The following VAPB variants were observed in gnomAD, a reference collection of about 807,000 sequenced individuals.
VAPB encodes vesicle-associated membrane protein-associated protein B/C.
Under a neutral mutation model 25.6 loss-of-function variants are expected in VAPB, and 7 were observed. That is an observed-to-expected ratio of 0.27 (90% CI 0.16 to 0.51). The LOEUF (loss-of-function observed/expected upper bound fraction) is 0.51. Ranked by LOEUF, VAPB falls within the 20% of genes least tolerant of loss-of-function variation. The pLI is 0.97. For missense variants in VAPB, 266 were observed against 301.3 expected (o/e 0.88, Z 0.87); for synonymous variants, 112 against 109.2 (o/e 1.03, Z -0.16).
chr20:58,444,625 G>A lies in VAPB; in HGVS notation c.*390G>A, dbSNP rs1290749364. The A allele has an allele frequency of 2.2e-6, 1 of 455,444 alleles. No homozygotes were observed. Among genetic ancestry groups the A allele is most frequent in the Admixed American group, 2.3e-5 (1 of 42,604 alleles). 28.2% of individuals were successfully genotyped at this position (455,444 alleles called of 1,614,324 possible). A position where few individuals can be genotyped will look rare whatever the true frequency, so the allele number is the denominator to read the frequency against. On this transcript the variant is annotated 3_prime_UTR_variant, in exon 6 of 6. Coordinates refer to ENST00000475243, the MANE Select transcript of VAPB (RefSeq NM_004738.5). ...TGGTGCTGGCCCTTGGGGAGCTGGAGCCCAGCATGCTGGGGAGTGCGGTCA... is the reference window on the plus strand; with the variant it reads ...TGGTGCTGGCCCTTGGGGAGCTGGAACCCAGCATGCTGGGGAGTGCGGTCA...
chr20:58,407,678 C>A (rs1988266422), intron 1 of VAPB, among the ~76,000 whole-genome samples: 1 of 149,182 alleles, frequency 6.7e-6, no homozygotes, highest in Non-Finnish European at 1.5e-5. Context: ...TTTTTTAACT[C>A]CCCGGAGGAA....
At chr20:58,441,117 C>A in intron 5 of VAPB, 34 bp downstream of exon 5, 1 of 1,609,586 alleles carries the variant, frequency 6.2e-7, no homozygotes, top group African/African-American at 1.3e-5. Flanking sequence ...CTACAGAAAA[C>A]AAGGGCGTTT....
Position 58,411,308 on chromosome 20 carries a change from G to A in VAPB, c.59-6903G>A, listed in dbSNP as rs2123044766. On this transcript the variant is annotated intron_variant, in intron 1 of 5. Coordinates refer to ENST00000475243, the MANE Select transcript of VAPB (RefSeq NM_004738.5). ...TCTATTTTTGTTTTTCTGAGATGGA[G>A]TCTTACTCTGTCGCCCAGGCTGAAG... Among the ~76,000 whole-genome samples, 3 of 152,336 alleles carry A rather than the reference G, an allele frequency of 2.0e-5. No homozygotes were observed. In the Middle Eastern group the frequency reaches 0.01, roughly 518 times the overall value.
intron 1 of VAPB, among the ~76,000 whole-genome samples, chr20:58,397,886 G>A (rs1341021034): frequency 1.3e-5 from 2 of 152,154 alleles, no homozygotes; most frequent in Non-Finnish European, 2.9e-5. Context: ...TATTCTGTAT[G>A]AGATACACTT....
At position 58,447,347 on chromosome 20, in the gene VAPB, T is replaced by A. The variant is rs1004338023; in HGVS notation, c.*3112T>A. ...TCTCCTCCTAGTTTGCATGTTTTCC[T>A]TCTCTCGTCTTCTGAACTGCTGGCA... On this transcript the variant is annotated 3_prime_UTR_variant, in exon 6 of 6. Transcript: ENST00000475243. 4 of 454,154 alleles carry A rather than the reference T, an allele frequency of 8.8e-6. No individual in the cohort carries two copies. The highest frequency in any genetic ancestry group is 1.3e-5 in the Non-Finnish European group (3 of 226,796). The allele number at this position is 454,154 out of a possible 1,614,324, so 28.1% of individuals were successfully genotyped here.
At chr20:58,411,622 G>A (rs761469920) in intron 1 of VAPB, among the ~76,000 whole-genome samples, 1 of 152,136 alleles carries the variant, frequency 6.6e-6, no homozygotes, top group Non-Finnish European at 1.5e-5. Context: ...TGGTGAGGTG[G>A]CTGTTCAGAT....
intron 1 of VAPB, among the ~76,000 whole-genome samples, chr20:58,390,706 T>TATGA (rs886825900): frequency 6.6e-6 from 1 of 152,200 alleles, no homozygotes; most frequent in Non-Finnish European, 1.5e-5. Context: ...AGTTGGTATT[T>TATGA]ATGAATGAAT....
chr20:58,414,207 G>T (rs1415307962), intron 1 of VAPB, among the ~76,000 whole-genome samples: 2 of 109,872 alleles, frequency 1.8e-5, no homozygotes, highest in African/African-American at 6.8e-5. Flanking sequence ...TGACGGGGCG[G>T]CTGGCCGGGC....
chr20:58,437,792 C>T (rs889592107), intron 3 of VAPB, among the ~76,000 whole-genome samples: 4 of 152,138 alleles, frequency 2.6e-5, no homozygotes, highest in African/African-American at 4.8e-5. Flanking sequence ...CATGCTGTTC[C>T]GTTTAGTGGA....
chr20:58,446,186 A>G lies in VAPB; in HGVS notation c.*1951A>G, dbSNP rs1233509892. On this transcript the variant is annotated 3_prime_UTR_variant, in exon 6 of 6. Transcript: ENST00000475243. The stretch of plus-strand genomic sequence containing the variant: ...AGACAGGGAGGCCACCCCAATAGGA[A>G]TTCGTCTCCAGGATTTTTCCCATGT... 2 of 453,990 alleles carry G rather than the reference A, an allele frequency of 4.4e-6. No homozygotes were observed. Among genetic ancestry groups the G allele is most frequent in the Non-Finnish European group, 8.8e-6 (2 of 226,780 alleles). The allele number at this position is 453,990 out of a possible 1,614,324, so 28.1% of individuals were successfully genotyped here.
chr20:58,389,611 C>A (rs1285222595), intron 1 of VAPB, 94 bp downstream of exon 1: 14 of 1,358,062 alleles, frequency 1.0e-5, no homozygotes, highest in Non-Finnish European at 1.4e-5. Context: ...CGGCCCTCGT[C>A]CCCACCCCGA....
At chr20:58,414,936 C>T (rs1212595062) in intron 1 of VAPB, among the ~76,000 whole-genome samples, 1 of 152,270 alleles carries the variant, frequency 6.6e-6, no homozygotes, top group Non-Finnish European at 1.5e-5. Flanking sequence ...CTGGGCACCA[C>T]CGAGCACTGA....
intron 3 of VAPB, among the ~76,000 whole-genome samples, chr20:58,437,275 A>T (rs1175589940): frequency 6.6e-6 from 1 of 151,318 alleles, no homozygotes; most frequent in Admixed American, 6.6e-5. Flanking sequence ...CCAAACTTTG[A>T]ACTTCTTTTT....
intron 2 of VAPB, among the ~76,000 whole-genome samples, chr20:58,419,964 G>T (rs1400849736): frequency 6.6e-6 from 1 of 152,028 alleles, no homozygotes; most frequent in Non-Finnish European, 1.5e-5. Flanking sequence ...AATATGTATG[G>T]GTGGGTGTAT....
At chr20:58,436,424 C>A (rs6128342) in intron 3 of VAPB, among the ~76,000 whole-genome samples, 11 of 149,680 alleles carry the variant, frequency 7.3e-5, no homozygotes, top group Non-Finnish European at 4.4e-5. Flanking sequence ...GCCTCCACCT[C>A]CTGGGCTCAA....
chr20:58,436,052 G>A (rs2123091644), intron 3 of VAPB, among the ~76,000 whole-genome samples: 1 of 152,306 alleles, frequency 6.6e-6, no homozygotes, highest in East Asian at 1.9e-4. Flanking sequence ...AGCTCACACA[G>A]TGGTGAGTAT....
chr20:58,414,367 A>G (rs1988475111), intron 1 of VAPB, among the ~76,000 whole-genome samples: 1 of 143,898 alleles, frequency 6.9e-6, no homozygotes, highest in Non-Finnish European at 1.5e-5. Context: ...CGCCGGGCGG[A>G]GACGCCCCCC....
intron 2 of VAPB, among the ~76,000 whole-genome samples, chr20:58,431,889 C>T (rs1381791178): frequency 1.3e-5 from 2 of 152,260 alleles, no homozygotes; most frequent in East Asian, 1.9e-4. Context: ...AAAAAGGAGA[C>T]GTGCTGCTTG....
In VAPB at chr20:58,418,336, G is replaced by A. The variant is rs574481743; in HGVS notation, c.184G>A (p.Asp62Asn). 6.8e-6 allele frequency: 11 copies of A among 1,614,140 alleles called. No homozygotes were observed. The highest frequency in any genetic ancestry group is 2.2e-5 in the East Asian group (1 of 44,872). ...YCVRPNSGII[D>N]AGASINVSVM... ...TGTGAGGCCCAACAGCGGAATCATC[G>A]ATGCAGGGGCCTCAATTAATGTATC... The change falls in exon 2 of 6, where the codon GAT becomes AAT. Residue 62 changes from aspartate (D) to asparagine (N), a missense_variant. By Grantham distance (23) the Asp-to-Asn change is conservative. Transcript: ENST00000475243.
Sources: allele counts gnomAD v4.1 joint callset (sites outside exome capture counted in the v4.1 genomes callset), GRCh38; gene constraint gnomAD v4.1.1; transcripts MANE v1.5; gene names NCBI Gene and HGNC (gene_info 2026-07-23, HGNC 2026-07-21).